Variants in TMEM163 observed in about 807,000 individuals in gnomAD.
The protein encoded by TMEM163 is transmembrane protein 163.
Under a neutral mutation model 29.3 loss-of-function variants are expected in TMEM163, and 17 were observed. That is an observed-to-expected ratio of 0.58 (90% CI 0.40 to 0.87). TMEM163 has a LOEUF of 0.87. Ranked by LOEUF, TMEM163 falls within the 40% of genes least tolerant of loss-of-function variation. TMEM163 has a pLI of 0.00. For synonymous variants in TMEM163, 157 were observed against 160.6 expected (o/e 0.98, Z 0.17); for missense variants, 303 against 381.5 (o/e 0.79, Z 1.71).
At chr2:134,606,941 G>T (rs1682385355) in intron 2 of TMEM163, among the ~76,000 whole-genome samples, 1 of 134,900 alleles carries the variant, frequency 7.4e-6, no homozygotes, top group Non-Finnish European at 1.6e-5. Context: ...CTGGTGAAAA[G>T]GAGGACAGAC....
At chr2:134,544,301 C>T (rs562577234) in intron 4 of TMEM163, among the ~76,000 whole-genome samples, 128 of 152,304 alleles carry the variant, frequency 8.4e-4, no homozygotes, top group Non-Finnish European at 1.7e-3. Flanking sequence ...TTTCTCCCCA[C>T]GCCCTCCATC....
At chr2:134,598,877 T>C (rs1485384234) in intron 2 of TMEM163, among the ~76,000 whole-genome samples, 3 of 147,668 alleles carry the variant, frequency 2.0e-5, no homozygotes, top group South Asian at 2.1e-4. Flanking sequence ...GCCTAGATAG[T>C]GCCACTACAC....
intron 4 of TMEM163, among the ~76,000 whole-genome samples, chr2:134,528,376 C>T (rs1174714156): frequency 6.6e-6 from 1 of 152,218 alleles, no homozygotes; most frequent in Non-Finnish European, 1.5e-5. Context: ...ATAAATCTAA[C>T]TGGCCTAACT....
intron 2 of TMEM163, among the ~76,000 whole-genome samples, chr2:134,708,714 G>A (rs1684868428): frequency 6.6e-6 from 1 of 152,070 alleles, no homozygotes; most frequent in South Asian, 2.1e-4. Flanking sequence ...AGCCTCCCAA[G>A]TAGCAGAGAC....
In TMEM163 at chr2:134,689,612, A is replaced by G. The variant is rs141407089; in HGVS notation, c.322+23588T>C. ...ACTTCCAGGGAGGCCTGCTTCAGGG[A>G]TGGGGCTTCCTTGAGGAAAACAAGA... On this transcript the variant is annotated intron_variant, in intron 2 of 7. Transcript: ENST00000281924. Among the ~76,000 whole-genome samples, 723 of 152,286 alleles carry G rather than the reference A, an allele frequency of 4.7e-3. 2 individuals are homozygous for G. The highest frequency in any genetic ancestry group is 6.8e-3 in the Non-Finnish European group (461 of 68,014).
chr2:134,698,475 T>A (rs554883140), intron 2 of TMEM163, among the ~76,000 whole-genome samples: 1 of 152,336 alleles, frequency 6.6e-6, no homozygotes, highest in South Asian at 2.1e-4. Flanking sequence ...TCATTCAATC[T>A]TACCAGAGTT....
At chr2:134,582,544 T>G (rs974551125) in intron 2 of TMEM163, among the ~76,000 whole-genome samples, 2 of 152,182 alleles carry the variant, frequency 1.3e-5, no homozygotes, top group African/African-American at 4.8e-5. Flanking sequence ...CCGTCCCTGT[T>G]GAAGTTAACT....
At chr2:134,493,243 T>C (rs1049241292) in intron 5 of TMEM163, among the ~76,000 whole-genome samples, 6 of 152,058 alleles carry the variant, frequency 3.9e-5, no homozygotes, top group African/African-American at 1.4e-4. Flanking sequence ...TTGTCTGATA[T>C]ATATATATGC....
At chr2:134,676,534 C>T (rs1353997018) in intron 2 of TMEM163, among the ~76,000 whole-genome samples, 1 of 152,078 alleles carries the variant, frequency 6.6e-6, no homozygotes, top group Admixed American at 6.5e-5. Context: ...CACTGATTTC[C>T]AGTGTACAAT....
At chr2:134,700,942 A>ATAAATAATTAAT (rs56105128) in intron 2 of TMEM163, among the ~76,000 whole-genome samples, 15 of 119,354 alleles carry the variant, frequency 1.3e-4, no homozygotes, top group Middle Eastern at 9.5e-3. Flanking sequence ...AAATAAATAA[A>ATAAATAATTAAT]TAAATAAAGT....
At chr2:134,610,615 C>T (rs1263144390) in intron 2 of TMEM163, among the ~76,000 whole-genome samples, 1 of 152,110 alleles carries the variant, frequency 6.6e-6, no homozygotes, top group African/African-American at 2.4e-5. Flanking sequence ...GGTTTAGAAC[C>T]GACCTCCAGG....
chr2:134,676,465 T>C (rs978172612), intron 2 of TMEM163, among the ~76,000 whole-genome samples: 2 of 152,254 alleles, frequency 1.3e-5, no homozygotes, highest in African/African-American at 4.8e-5. Flanking sequence ...TAGATATATA[T>C]ATAAATATTC....
chr2:134,484,908 T>TACA (rs1174126883), intron 5 of TMEM163, among the ~76,000 whole-genome samples: 1 of 152,224 alleles, frequency 6.6e-6, no homozygotes, highest in Non-Finnish European at 1.5e-5. Flanking sequence ...AAATGGCTGC[T>TACA]GTAGGGAGAG....
At chr2:134,504,994 C>T (rs568534) in intron 4 of TMEM163, among the ~76,000 whole-genome samples, 60,546 of 151,972 alleles carry the variant, frequency 0.4, 12,268 homozygotes, top group South Asian at 0.59. Flanking sequence ...CCAGCTGTGC[C>T]AGGGACCTGG....
intron 4 of TMEM163, among the ~76,000 whole-genome samples, chr2:134,504,708 G>A (rs576530961): frequency 1.1e-4 from 16 of 152,180 alleles, no homozygotes; most frequent in African/African-American, 2.9e-4. Flanking sequence ...TGTGAGCAAC[G>A]TGGCCCCATG....
At chr2:134,588,859 G>T (rs534262997) in intron 2 of TMEM163, among the ~76,000 whole-genome samples, 3 of 152,266 alleles carry the variant, frequency 2.0e-5, no homozygotes, top group Admixed American at 2.0e-4. Context: ...GGGGGAAGAG[G>T]CCATTCGGTG....
intron 2 of TMEM163, among the ~76,000 whole-genome samples, chr2:134,572,137 A>G (rs1321223030): frequency 2.0e-5 from 3 of 152,166 alleles, no homozygotes; most frequent in Admixed American, 6.5e-5. Context: ...GAAAAAGAGA[A>G]CTGAGCCCTG....
intron 2 of TMEM163, among the ~76,000 whole-genome samples, chr2:134,708,088 C>T (rs776371228): frequency 3.3e-5 from 5 of 151,988 alleles, no homozygotes; most frequent in East Asian, 3.9e-4. Context: ...GATCTCACCA[C>T]GTTGGCCAGG....
intron 2 of TMEM163, among the ~76,000 whole-genome samples, chr2:134,624,538 C>A (rs181429314): frequency 4.3e-4 from 66 of 152,240 alleles, no homozygotes; most frequent in African/African-American, 1.5e-3. Flanking sequence ...ATATTCTGTA[C>A]AACAAACCCC....
Sources: gnomAD v4.1 joint callset for allele counts (sites outside exome capture counted in the v4.1 genomes callset) on GRCh38, gnomAD v4.1.1 for gene constraint, MANE v1.5 for transcripts, NCBI Gene and HGNC (gene_info 2026-07-23, HGNC 2026-07-21) for gene names.